Variants in RBFOX1 observed in about 807,000 individuals in gnomAD.
The protein encoded by RBFOX1 is RNA binding protein fox-1 homolog 1.
In RBFOX1, 8 loss-of-function variants were observed where a neutral mutation model predicts 57.7. The observed-to-expected ratio is 0.14, with a 90% CI of 0.08 to 0.25. RBFOX1 has a LOEUF of 0.25. RBFOX1 is among the 10% of genes least tolerant of loss of function. The pLI, the probability that RBFOX1 is intolerant of heterozygous loss-of-function variation, is 1.00. For synonymous variants in RBFOX1, 326 were observed against 222.4 expected, an observed-to-expected ratio of 1.47 and a Z score of -4.15; for missense variants, 611 against 548.5, an observed-to-expected ratio of 1.11 and a Z score of -1.14.
intron 1 of RBFOX1, among the ~76,000 whole-genome samples, chr16:5,441,458 A>G (rs539195083): frequency 6.6e-6 from 1 of 150,944 alleles, no homozygotes; most frequent in African/African-American, 2.4e-5. Context: ...TCCACCTCCA[A>G]GGTTCAAGCT....
chr16:7,315,034 C>T (rs987809613), intron 4 of RBFOX1, among the ~76,000 whole-genome samples: 1 of 151,640 alleles, frequency 6.6e-6, no homozygotes, highest in Non-Finnish European at 1.5e-5. Context: ...ATCATAACCT[C>T]ATATATTTTA....
intron 4 of RBFOX1, among the ~76,000 whole-genome samples, chr16:7,212,793 A>G (rs912819019): frequency 6.6e-6 from 1 of 152,218 alleles, no homozygotes; most frequent in African/African-American, 2.4e-5. Context: ...CCTATGTAAC[A>G]AACCTGCATG....
intron 1 of RBFOX1, among the ~76,000 whole-genome samples, chr16:6,261,842 C>G (rs1049182045): frequency 2.0e-5 from 3 of 147,502 alleles, no homozygotes; most frequent in Middle Eastern, 3.5e-3. Flanking sequence ...CTAAAAATAC[C>G]AAAAAACAAA....
At chr16:6,829,861 C>A (rs1040365385) in intron 3 of RBFOX1, among the ~76,000 whole-genome samples, 1 of 152,162 alleles carries the variant, frequency 6.6e-6, no homozygotes, top group African/African-American at 2.4e-5. Context: ...CTTGGCCTCC[C>A]AAAGTGCTGG....
chr16:7,451,965 A>G (rs1358783822), intron 4 of RBFOX1, among the ~76,000 whole-genome samples: 3 of 152,206 alleles, frequency 2.0e-5, no homozygotes, highest in African/African-American at 2.4e-5. Context: ...TGGTTTGGAA[A>G]GAGAAAGGAA....
At chr16:7,457,932 G>C (rs1231623065) in intron 4 of RBFOX1, among the ~76,000 whole-genome samples, 4 of 152,090 alleles carry the variant, frequency 2.6e-5, no homozygotes, top group Non-Finnish European at 5.9e-5. Flanking sequence ...CAACAAGCAT[G>C]ATCTTTGTGC....
At chr16:6,348,593 C>T (rs900595966) in intron 2 of RBFOX1, among the ~76,000 whole-genome samples, 2 of 152,178 alleles carry the variant, frequency 1.3e-5, no homozygotes, top group Non-Finnish European at 2.9e-5. Context: ...ATGGCAGAAT[C>T]TGCATCTGGG....
At chr16:6,512,335 G>C (rs946505801) in intron 2 of RBFOX1, among the ~76,000 whole-genome samples, 1 of 139,818 alleles carries the variant, frequency 7.2e-6, no homozygotes, top group Non-Finnish European at 1.6e-5. Context: ...TGTATTTAAT[G>C]AAAAACATAC....
At chr16:6,864,353 AT>A (rs2059545078) in intron 3 of RBFOX1, among the ~76,000 whole-genome samples, 1 of 152,192 alleles carries the variant, frequency 6.6e-6, no homozygotes, top group Non-Finnish European at 1.5e-5. Flanking sequence ...AAAAACAATA[AT>A]AATTTCAGAC....
intron 2 of RBFOX1, among the ~76,000 whole-genome samples, chr16:6,425,841 G>A (rs1256615736): frequency 3.9e-5 from 6 of 151,936 alleles, no homozygotes; most frequent in African/African-American, 1.2e-4. Flanking sequence ...TTTTATGGAG[G>A]GAAAATTTAC....
intron 2 of RBFOX1, among the ~76,000 whole-genome samples, chr16:6,545,085 TAATAAC>T (rs1319587621): frequency 6.6e-6 from 1 of 152,152 alleles, no homozygotes; most frequent in Admixed American, 6.5e-5. Flanking sequence ...GAGATAAAAG[TAATAAC>T]AATGGCTTTC....
intron 4 of RBFOX1, among the ~76,000 whole-genome samples, chr16:7,200,674 G>T (rs746901903): frequency 6.6e-6 from 1 of 152,164 alleles, no homozygotes; most frequent in Non-Finnish European, 1.5e-5. Context: ...GTCAGAGTCA[G>T]TATGCCCCAA....
At chr16:5,812,884 G>A (rs111431322) in intron 3 of RBFOX1, among the ~76,000 whole-genome samples, 3 of 152,084 alleles carry the variant, frequency 2.0e-5, no homozygotes, top group Non-Finnish European at 4.4e-5. Context: ...TTTTCCATGT[G>A]TGTATTTTCT....
intron 2 of RBFOX1, among the ~76,000 whole-genome samples, chr16:6,622,126 G>C (rs2098241985): frequency 6.6e-6 from 1 of 152,172 alleles, no homozygotes; most frequent in South Asian, 2.1e-4. Context: ...TTGGCATATT[G>C]TAGGCATTCC....
At chr16:7,633,716 C>G (rs2142907658) in intron 11 of RBFOX1, among the ~76,000 whole-genome samples, 2 of 152,332 alleles carry the variant, frequency 1.3e-5, no homozygotes, top group South Asian at 2.1e-4. Context: ...AGACCCCTCC[C>G]TCTCCAATTG....
chr16:7,202,098 T>TCAACAA (rs553351504), intron 4 of RBFOX1, among the ~76,000 whole-genome samples: 1 of 151,930 alleles, frequency 6.6e-6, no homozygotes, highest in African/African-American at 2.4e-5. Context: ...TATGGGTTAC[T>TCAACAA]CAACAACAAC....
At chr16:6,912,588 TCTTG>T (rs2071937850) in intron 3 of RBFOX1, among the ~76,000 whole-genome samples, 1 of 150,430 alleles carries the variant, frequency 6.6e-6, no homozygotes, top group African/African-American at 2.5e-5. Context: ...TTTCTTGCTT[TCTTG>T]CTTTCTTTTC....
chr16:7,693,415 C>CA, intron 14 of RBFOX1: 4 of 973,502 alleles, frequency 4.1e-6, no homozygotes, highest in Non-Finnish European at 5.6e-6. Flanking sequence ...GTCTCAGTAT[C>CA]CTTTTTTTTT....
At chr16:7,466,738 C>T (rs1054599984) in intron 4 of RBFOX1, among the ~76,000 whole-genome samples, 1 of 152,144 alleles carries the variant, frequency 6.6e-6, no homozygotes, top group African/African-American at 2.4e-5. Context: ...CCCAGGTATC[C>T]ACATCATTCC....
Sources: gnomAD v4.1 joint callset for allele counts (sites outside exome capture counted in the v4.1 genomes callset) on GRCh38, gnomAD v4.1.1 for gene constraint, MANE v1.5 for transcripts, NCBI Gene and HGNC (gene_info 2026-07-23, HGNC 2026-07-21) for gene names.